The following CBLN2 variants were observed in gnomAD, a reference collection of about 807,000 sequenced individuals.
CBLN2 encodes the protein cerebellin-2.
A neutral mutation model predicts 15.0 loss-of-function variants in CBLN2; 7 were observed. That is an observed-to-expected ratio of 0.47 (90% CI 0.27 to 0.88). The LOEUF (loss-of-function observed/expected upper bound fraction) is 0.88. Among genes scored for constraint, CBLN2 ranks in the 40% least tolerant of loss-of-function variants. The pLI is 0.14. For missense variants in CBLN2, 242 were observed against 304.5 expected, an observed-to-expected ratio of 0.79 and a Z score of 1.53; for synonymous variants, 149 against 135.2, an observed-to-expected ratio of 1.10 and a Z score of -0.71.
At chr18:72,596,019 T>C (rs1342014351) in intron 1 of CBLN2, among the ~76,000 whole-genome samples, 1 of 152,116 alleles carries the variant, frequency 6.6e-6, no homozygotes. Flanking sequence ...ATGCAATGTA[T>C]TTATATGCAA....
At chr18:72,550,284 A>T (rs1417790217) in intron 1 of CBLN2, among the ~76,000 whole-genome samples, 5 of 152,254 alleles carry the variant, frequency 3.3e-5, no homozygotes, top group Non-Finnish European at 5.9e-5. Context: ...ATCCTCTCCA[A>T]TAAGCCTAAA....
intron 1 of CBLN2, among the ~76,000 whole-genome samples, chr18:72,583,885 A>G (rs960166070): frequency 6.6e-6 from 1 of 152,226 alleles, no homozygotes; most frequent in African/African-American, 2.4e-5. Flanking sequence ...TTGCACAGTC[A>G]CACTTGAAAG....
chr18:72,603,459 A>C (rs1372940540), intron 1 of CBLN2, among the ~76,000 whole-genome samples: 1 of 152,216 alleles, frequency 6.6e-6, no homozygotes, highest in Non-Finnish European at 1.5e-5. Context: ...GGTGAAAAGT[A>C]GTCACTATAT....
rs977313068 is a variant in CBLN2, at chr18:72,542,259, G to T, written c.-99C>A. ...ACGCGCGGAGCTCGCAGCAGCCTCC[G>T]GGGGCCTTCGTCCCCGGCTCTGACG... is the stretch of plus-strand genomic sequence containing the variant. On this transcript the variant is annotated 5_prime_UTR_variant, in exon 3 of 5. Coordinates refer to ENST00000269503, the MANE Select transcript of CBLN2 (RefSeq NM_182511.4). 18 of 745,222 alleles carry T rather than the reference G, an allele frequency of 2.4e-5. No homozygotes were observed. The African/African-American group carries it at 3.2e-4, about 13-fold the overall frequency. The allele number at this position is 745,222 out of a possible 1,614,324, so 46.2% of individuals were successfully genotyped here. A position where few individuals can be genotyped will look rare whatever the true frequency, so the allele number is the denominator to read the frequency against.
At chr18:72,582,182 T>C (rs1466280104) in intron 1 of CBLN2, among the ~76,000 whole-genome samples, 1 of 152,210 alleles carries the variant, frequency 6.6e-6, no homozygotes, top group African/African-American at 2.4e-5. Flanking sequence ...CACATTTTTC[T>C]CTAAGAGTGC....
intron 1 of CBLN2, among the ~76,000 whole-genome samples, chr18:72,626,107 A>C (rs1014200235): frequency 1.3e-5 from 2 of 152,016 alleles, no homozygotes; most frequent in South Asian, 4.2e-4. Flanking sequence ...CATTCATGGC[A>C]GCATGAAATG....
chr18:72,540,432 T>G (rs2069100256), intron 3 of CBLN2: 1 of 152,180 alleles, frequency 6.6e-6, no homozygotes, highest in Admixed American at 6.5e-5. Context: ...TATCCTGCCC[T>G]ACATCACAGA....
intron 1 of CBLN2, among the ~76,000 whole-genome samples, chr18:72,630,484 T>C (rs1369513120): frequency 3.2e-5 from 4 of 124,178 alleles, no homozygotes; most frequent in African/African-American, 1.2e-4. Flanking sequence ...ATTGGTGATA[T>C]CTACTGCTCC....
At chr18:72,601,128 A>G (rs1192812194) in intron 1 of CBLN2, among the ~76,000 whole-genome samples, 1 of 152,092 alleles carries the variant, frequency 6.6e-6, no homozygotes, top group African/African-American at 2.4e-5. Flanking sequence ...GTGGCTTTTC[A>G]TTGGTTTTAC....
chr18:72,631,487 A>G (rs1394157984), intron 1 of CBLN2, among the ~76,000 whole-genome samples: 1 of 152,072 alleles, frequency 6.6e-6, no homozygotes, highest in Non-Finnish European at 1.5e-5. Flanking sequence ...AAAATTATTC[A>G]TTTCAAAATC....
chr18:72,566,251 A>G (rs2069294294), intron 1 of CBLN2, among the ~76,000 whole-genome samples: 1 of 152,248 alleles, frequency 6.6e-6, no homozygotes, highest in Admixed American at 6.5e-5. Context: ...TATGAAAAAC[A>G]GTATGGAACG....
intron 3 of CBLN2, among the ~76,000 whole-genome samples, chr18:72,540,542 G>T (rs906037068): frequency 6.6e-6 from 1 of 152,116 alleles, no homozygotes; most frequent in African/African-American, 2.4e-5. Flanking sequence ...ATAACTGCAC[G>T]TAAAGGAAAC....
intron 1 of CBLN2, among the ~76,000 whole-genome samples, chr18:72,597,954 G>T (rs2069523861): frequency 6.6e-6 from 1 of 152,038 alleles, no homozygotes; most frequent in African/African-American, 2.4e-5. Flanking sequence ...TTCCCCTTTG[G>T]CCCAGGGCAA....
chr18:72,542,105 C>A lies in CBLN2; in HGVS notation c.56G>T (p.Arg19Leu), dbSNP rs2069118534. 16 of 1,459,746 alleles carry A rather than the reference C, an allele frequency of 1.1e-5. No individual in the cohort carries two copies. The highest frequency in any genetic ancestry group is 1.3e-5 in the Non-Finnish European group (15 of 1,116,262). The allele number at this position is 1,459,746 out of a possible 1,614,324, so 90.4% of individuals were successfully genotyped here. A position where few individuals can be genotyped will look rare whatever the true frequency, so the allele number is the denominator to read the frequency against. The change falls in exon 3 of 5, where the codon CGG becomes CTG. Residue 19 changes from arginine to leucine, a missense_variant. Arg to Leu is a moderately radical substitution (Grantham distance 102). Around this residue, in one of 4 missense-constraint regions of CBLN2, gnomAD observed 96 missense variants for 83.8 expected, o/e 1.15. Coordinates refer to ENST00000269503, the MANE Select transcript of CBLN2 (RefSeq NM_182511.4). ...LGLRLMMPGR[R>L]GALREPGGCG... ...GCCGCCCGGCTCGCGCAGCGCCCCC[C>A]GGCGCCCGGGCATCATCAGCCGCAG...
At chr18:72,552,578 G>A (rs1260512730) in intron 1 of CBLN2, 1 of 152,070 alleles carries the variant, frequency 6.6e-6, no homozygotes, top group Non-Finnish European at 1.5e-5. Context: ...CACAAAACAT[G>A]AAGTGAAAGC....
intron 1 of CBLN2, among the ~76,000 whole-genome samples, chr18:72,630,521 C>CAT (rs2069768202): frequency 7.2e-6 from 1 of 139,778 alleles, no homozygotes; most frequent in South Asian, 2.4e-4. Context: ...CACACACACA[C>CAT]CCTGCACAAC....
At chr18:72,571,902 C>G (rs963170041) in intron 1 of CBLN2, among the ~76,000 whole-genome samples, 2 of 152,088 alleles carry the variant, frequency 1.3e-5, no homozygotes, top group African/African-American at 4.8e-5. Flanking sequence ...CGCAAGATAT[C>G]AAAACCAGGA....
chr18:72,604,471 G>A (rs2069570144), intron 1 of CBLN2, among the ~76,000 whole-genome samples: 1 of 152,130 alleles, frequency 6.6e-6, no homozygotes, highest in African/African-American at 2.4e-5. Flanking sequence ...AATATTCTGT[G>A]TTTTAGGCAA....
chr18:72,591,782 C>T (rs781279578), intron 1 of CBLN2, among the ~76,000 whole-genome samples: 2 of 152,118 alleles, frequency 1.3e-5, no homozygotes, highest in African/African-American at 2.4e-5. Flanking sequence ...TTTCACTTAA[C>T]GTAATCTTCT....
Sources: gnomAD v4.1 joint callset for allele counts (sites outside exome capture counted in the v4.1 genomes callset) on GRCh38, gnomAD v4.1.1 for gene constraint, gnomAD v4.1.1 regional missense constraint, MANE v1.5 for transcripts, NCBI Gene and HGNC (gene_info 2026-07-23, HGNC 2026-07-21) for gene names.